The following ATP10B variants were observed in gnomAD, a reference collection of about 807,000 sequenced individuals.
The protein encoded by ATP10B is ATPase phospholipid transporting 10B (putative), also known as phospholipid-transporting ATPase VB.
In ATP10B, 122 loss-of-function variants were observed where a neutral mutation model predicts 141.2. The observed-to-expected ratio is 0.86, with a 90% CI of 0.75 to 1.00. The LOEUF is 1.00. Among genes scored for constraint, ATP10B ranks in the 50% least tolerant of loss-of-function variants. The pLI is 0.00. For missense variants in ATP10B, 1,876 were observed against 1,825.3 expected, an observed-to-expected ratio of 1.03 and a Z score of -0.51; for synonymous variants, 685 against 692.0, an observed-to-expected ratio of 0.99 and a Z score of 0.16.
the ATP10B span, among the ~76,000 whole-genome samples, chr5:160,901,348 G>T: frequency 2.0e-5 from 3 of 152,094 alleles, no homozygotes; most frequent in East Asian, 5.8e-4. Flanking sequence ...ACTTGATTTT[G>T]AATCAGTTCA....
At chr5:160,570,101 G>A (rs768467368) in intron 24 of ATP10B, among the ~76,000 whole-genome samples, 25 of 151,734 alleles carry the variant, frequency 1.6e-4, no homozygotes, top group Non-Finnish European at 3.4e-4. Context: ...TCAAAGCAGC[G>A]CAGTATTCTG....
In ATP10B at chr5:160,787,136, AC is replaced by A. The variant is rs1443530115; in HGVS notation, c.-575-1334del. ...CACACACACACACACACACACACAC[AC>A]ACACACACACACATTATTTGAACTA... On this transcript the variant is annotated intron_variant, in intron 1 of 25. Coordinates refer to ENST00000327245, the MANE Select transcript of ATP10B (RefSeq NM_025153.3). 2.7e-5 allele frequency among the ~76,000 whole-genome samples: 4 copies of A among 145,924 alleles called. No individual in the cohort carries two copies. In the East Asian group the frequency reaches 7.4e-4, roughly 27 times the overall value.
intron 1 of ATP10B, among the ~76,000 whole-genome samples, chr5:160,802,661 C>T (rs924789083): frequency 3.9e-5 from 6 of 152,216 alleles, no homozygotes; most frequent in African/African-American, 1.2e-4. Context: ...ATACCTACTG[C>T]TTAAGGCACT....
At chr5:160,691,746 T>G (rs1445610097) in intron 3 of ATP10B, 1 of 152,196 alleles carries the variant, frequency 6.6e-6, no homozygotes, top group East Asian at 1.9e-4. Context: ...CTTTCGTCAA[T>G]CCAACTGATT....
intron 1 of ATP10B, among the ~76,000 whole-genome samples, chr5:160,816,528 A>C (rs1052223031): frequency 1.3e-5 from 2 of 152,192 alleles, no homozygotes; most frequent in Non-Finnish European, 2.9e-5. Context: ...CCAACCAAAA[A>C]AAATCCAGGA....
At chr5:160,633,142 T>C (rs535987807) in intron 12 of ATP10B, 1 of 152,218 alleles carries the variant, frequency 6.6e-6, no homozygotes, top group African/African-American at 2.4e-5. Context: ...AGTTCAACCA[T>C]TGTGGAAGAC....
At chr5:160,809,820 A>G (rs1773026646) in intron 1 of ATP10B, among the ~76,000 whole-genome samples, 1 of 152,226 alleles carries the variant, frequency 6.6e-6, no homozygotes, top group Non-Finnish European at 1.5e-5. Context: ...TGGTATGTGC[A>G]GAAGGGATCG....
intron 1 of ATP10B, among the ~76,000 whole-genome samples, chr5:160,839,424 G>C (rs907387385): frequency 3.3e-5 from 5 of 152,138 alleles, no homozygotes; most frequent in Admixed American, 3.3e-4. Flanking sequence ...TTTGTTATGA[G>C]AAGGGGTAGC....
At chr5:160,702,825 C>A (rs1211532733) in intron 3 of ATP10B, among the ~76,000 whole-genome samples, 1 of 152,132 alleles carries the variant, frequency 6.6e-6, no homozygotes, top group African/African-American at 2.4e-5. Context: ...AAGGCTTTCC[C>A]AGTAGAACCA....
chr5:160,852,792 C>G (rs1753874458), upstream of ATP10B, among the ~76,000 whole-genome samples: 1 of 152,038 alleles, frequency 6.6e-6, no homozygotes, highest in Non-Finnish European at 1.5e-5. Flanking sequence ...TTACCTACAA[C>G]TCAACTAATT....
chr5:160,817,686 G>A (rs1018302685), intron 1 of ATP10B, among the ~76,000 whole-genome samples: 1 of 152,120 alleles, frequency 6.6e-6, no homozygotes, highest in Non-Finnish European at 1.5e-5. Context: ...AGCCCGCATT[G>A]CCAAGTCAAT....
At chr5:160,711,761 G>T (rs1765381186) in intron 3 of ATP10B, among the ~76,000 whole-genome samples, 1 of 60,580 alleles carries the variant, frequency 1.7e-5, no homozygotes, top group African/African-American at 6.3e-5. Context: ...GTCATAGATA[G>T]CTCTTATTAT....
intron 25 of ATP10B, among the ~76,000 whole-genome samples, chr5:160,566,807 A>G (rs976115387): frequency 6.6e-6 from 1 of 152,204 alleles, no homozygotes; most frequent in Non-Finnish European, 1.5e-5. Context: ...TAAAAAAGTA[A>G]TCTATCTGAC....
chr5:160,824,369 C>G (rs1774414241), intron 1 of ATP10B, among the ~76,000 whole-genome samples: 1 of 152,164 alleles, frequency 6.6e-6, no homozygotes, highest in African/African-American at 2.4e-5. Flanking sequence ...TGGGCATGAT[C>G]ACAAATATTC....
chr5:160,840,280 A>G (rs1321565435), intron 1 of ATP10B, among the ~76,000 whole-genome samples: 1 of 152,104 alleles, frequency 6.6e-6, no homozygotes, highest in Non-Finnish European at 1.5e-5. Flanking sequence ...ATGCATAAGA[A>G]TAGGTAGAAA....
the ATP10B span, among the ~76,000 whole-genome samples, chr5:160,921,987 G>C: frequency 1.3e-5 from 2 of 152,208 alleles, no homozygotes. Flanking sequence ...ACAGGATTTT[G>C]TGTCCTCTGA....
At chr5:160,686,037 TA>T (rs779731339) in intron 6 of ATP10B, 41 bp downstream of exon 6, 7 of 1,453,758 alleles carry the variant, frequency 4.8e-6, no homozygotes, top group Non-Finnish European at 6.5e-6. Flanking sequence ...TGAGTTTGCC[TA>T]ACCCATTTGC....
At chr5:160,725,116 T>G (rs1272369514) in intron 2 of ATP10B, among the ~76,000 whole-genome samples, 2 of 152,124 alleles carry the variant, frequency 1.3e-5, no homozygotes, top group African/African-American at 2.4e-5. Context: ...TAAAAAAGTT[T>G]AAGATTAAAA....
intron 1 of ATP10B, among the ~76,000 whole-genome samples, chr5:160,801,715 C>G (rs1197682370): frequency 6.6e-6 from 1 of 152,166 alleles, no homozygotes; most frequent in Non-Finnish European, 1.5e-5. Context: ...AAGAGCTCAA[C>G]CACTCACCTG....
Sources: gnomAD v4.1 joint callset for allele counts (sites outside exome capture counted in the v4.1 genomes callset) on GRCh38, gnomAD v4.1.1 for gene constraint, MANE v1.5 for transcripts, NCBI Gene and HGNC (gene_info 2026-07-23, HGNC 2026-07-21) for gene names.